The following TMEM156 variants were observed in gnomAD, a reference collection of about 807,000 sequenced individuals.
The protein encoded by TMEM156 is transmembrane protein 156.
A neutral mutation model predicts 30.5 loss-of-function variants in TMEM156; 28 were observed. The observed-to-expected ratio is 0.92, with a 90% CI of 0.68 to 1.26. The LOEUF is 1.26. Among genes scored for constraint, TMEM156 ranks in the 50% most tolerant of loss-of-function variants. The pLI is 0.00. For missense variants in TMEM156, 351 were observed against 340.6 expected, an observed-to-expected ratio of 1.03 and a Z score of -0.24; for synonymous variants, 137 against 119.9, an observed-to-expected ratio of 1.14 and a Z score of -0.93.
intron 5 of TMEM156, among the ~76,000 whole-genome samples, chr4:38,974,358 C>A (rs1327616414): frequency 6.6e-6 from 1 of 151,998 alleles, no homozygotes; most frequent in Non-Finnish European, 1.5e-5. Flanking sequence ...GCATGAGCCA[C>A]TGCATCCAGG....
chr4:39,027,634 C>T (rs890219634), intron 1 of TMEM156, among the ~76,000 whole-genome samples: 12 of 146,504 alleles, frequency 8.2e-5, no homozygotes, highest in Admixed American at 7.1e-5. Flanking sequence ...CAGCTCACTG[C>T]AACCTCTGCC....
At chr4:38,989,028 A>G (rs1712226232) in intron 3 of TMEM156, 58 bp from the exon 4 acceptor site, 2 of 1,554,094 alleles carry the variant, frequency 1.3e-6, no homozygotes, top group Non-Finnish European at 1.8e-6. Context: ...GATAAAAGGC[A>G]ATGTGGCAGT....
chr4:38,977,064 C>T lies in TMEM156; in HGVS notation c.824-5927G>A, dbSNP rs1722890863. On this transcript the variant is annotated intron_variant, in intron 5 of 6. Transcript: ENST00000381938. Reference sequence around the variant, plus strand: ...GGGACTGCAAGCGTGCACCACCACACCGGCTAATTTTTGTATTTTTAGTAG... The same window carrying T: ...GGGACTGCAAGCGTGCACCACCACATCGGCTAATTTTTGTATTTTTAGTAG... Among the ~76,000 whole-genome samples, 3 of 152,158 alleles carry T rather than the reference C, an allele frequency of 2.0e-5. No homozygotes were observed. The South Asian group carries it at 6.2e-4, about 32-fold the overall frequency.
intron 1 of TMEM156, among the ~76,000 whole-genome samples, chr4:39,006,589 T>C (rs1406217229): frequency 6.6e-6 from 1 of 152,088 alleles, no homozygotes; most frequent in Non-Finnish European, 1.5e-5. Flanking sequence ...CTAAAAGTTG[T>C]TTTTAAAGTT....
chr4:38,998,486 G>T (rs1713084929), intron 2 of TMEM156, 154 bp downstream of exon 2: 4 of 543,324 alleles, frequency 7.4e-6, no homozygotes, highest in Non-Finnish European at 1.0e-5. Context: ...GGAGGTTGCA[G>T]TGAGCTGAGA....
intron 5 of TMEM156, among the ~76,000 whole-genome samples, chr4:38,975,360 T>C (rs1560354387): frequency 6.7e-6 from 1 of 150,134 alleles, no homozygotes; most frequent in South Asian, 2.1e-4. Flanking sequence ...AGTCTGTGAT[T>C]TTTTTTCTTT....
intron 1 of TMEM156, among the ~76,000 whole-genome samples, chr4:39,026,621 A>G (rs1395582558): frequency 6.6e-6 from 1 of 152,134 alleles, no homozygotes; most frequent in Admixed American, 6.5e-5. Flanking sequence ...AATGATTCAG[A>G]AAATTCAATA....
chr4:38,987,631 C>A (rs1243550778), intron 4 of TMEM156, among the ~76,000 whole-genome samples: 1 of 152,196 alleles, frequency 6.6e-6, no homozygotes, highest in African/African-American at 2.4e-5. Context: ...ATACAACCAC[C>A]ACAATACTAC....
chr4:38,968,634 C>T (rs1722455884), intron 6 of TMEM156, among the ~76,000 whole-genome samples: 1 of 152,176 alleles, frequency 6.6e-6, no homozygotes, highest in South Asian at 2.1e-4. Context: ...ATAATAATAT[C>T]CAGTAATATT....
intron 1 of TMEM156, among the ~76,000 whole-genome samples, chr4:38,999,961 G>A (rs773479716): frequency 7.9e-5 from 12 of 152,120 alleles, no homozygotes; most frequent in African/African-American, 1.2e-4. Flanking sequence ...ATCTTTAGAC[G>A]GCCATTATTC....
chr4:39,030,336 ACAT>A (rs1158349378), intron 1 of TMEM156, among the ~76,000 whole-genome samples: 1 of 152,122 alleles, frequency 6.6e-6, no homozygotes, highest in Non-Finnish European at 1.5e-5. Flanking sequence ...AAGAGAACAA[ACAT>A]CATTATAAAT....
chr4:39,012,995 G>A (rs34611214), intron 1 of TMEM156, among the ~76,000 whole-genome samples: 3 of 151,872 alleles, frequency 2.0e-5, no homozygotes, highest in Non-Finnish European at 4.4e-5. Context: ...ATGCTTGGAA[G>A]TGTTGGAAAA....
In TMEM156 at chr4:39,017,496, T is replaced by A. The variant is rs1175123795; in HGVS notation, c.88+14730A>T. On this transcript the variant is annotated intron_variant, in intron 1 of 6. Transcript: ENST00000381938. ...ACCCAGCCCAAGTATGTATTTTTAT[T>A]CCCTGAAAAGAATATGTGTTCCAGA... Among the ~76,000 whole-genome samples, 5 of 151,958 alleles carry A rather than the reference T, an allele frequency of 3.3e-5. No individual in the cohort carries two copies. The East Asian group carries it at 9.6e-4, about 29-fold the overall frequency.
rs115449808 is a variant in TMEM156, at chr4:38,987,086, C to T, written c.740-667G>A. 3.4e-3 allele frequency among the ~76,000 whole-genome samples: 517 copies of T among 152,212 alleles called. 8 individuals are homozygous for T. Among genetic ancestry groups the T allele is most frequent in the African/African-American group, 0.012 (498 of 41,542 alleles). ...AATTTGACTCCCCACTACTGGTCTC[C>T]TTCTAGACATTTTTTCTAGCTCACT... On this transcript the variant is annotated intron_variant, in intron 4 of 6. Coordinates refer to ENST00000381938, the MANE Select transcript of TMEM156 (RefSeq NM_024943.3).
intron 3 of TMEM156, among the ~76,000 whole-genome samples, chr4:38,991,779 GA>G (rs1275329763): frequency 6.6e-6 from 1 of 151,772 alleles, no homozygotes; most frequent in African/African-American, 2.4e-5. Flanking sequence ...AATGTACATT[GA>G]AAAAAATATG....
At chr4:39,002,883 G>A (rs990928673) in intron 1 of TMEM156, among the ~76,000 whole-genome samples, 2 of 151,476 alleles carry the variant, frequency 1.3e-5, no homozygotes, top group African/African-American at 4.9e-5. Flanking sequence ...GGGGCCTGTT[G>A]TGGGGGGGTG....
intron 1 of TMEM156, among the ~76,000 whole-genome samples, chr4:39,002,623 T>G (rs1291300626): frequency 6.7e-6 from 1 of 148,368 alleles, no homozygotes; most frequent in Non-Finnish European, 1.5e-5. Flanking sequence ...AGCAAAGACT[T>G]GGAACCAACC....
At chr4:38,986,314 G>A in intron 5 of TMEM156, 22 bp downstream of exon 5, 1 of 1,583,400 alleles carries the variant, frequency 6.3e-7, no homozygotes. Context: ...GTGCTGTTTT[G>A]TTTACATGCC....
Position 39,009,216 on chromosome 4 carries a change from A to G in TMEM156, c.89-10307T>C, listed in dbSNP as rs1005145406. Among the ~76,000 whole-genome samples the G allele has an allele frequency of 2.0e-5, 3 of 152,234 alleles. No individual in the cohort carries two copies. In the East Asian group the frequency reaches 5.8e-4, roughly 29 times the overall value. On this transcript the variant is annotated intron_variant, in intron 1 of 6. Transcript: ENST00000381938. The stretch of plus-strand genomic sequence containing the variant: ...AACCAGGAAGGAACAGAAATTTCAA[A>G]CAGACCAATAATGAATAAGGAAATT...
Sources: allele counts gnomAD v4.1 joint callset (sites outside exome capture counted in the v4.1 genomes callset), GRCh38; gene constraint gnomAD v4.1.1; transcripts MANE v1.5; gene names NCBI Gene and HGNC (gene_info 2026-07-23, HGNC 2026-07-21).